DNMT3A: variants seen among roughly 807,000 people sequenced by gnomAD.
DNMT3A encodes DNA (cytosine-5)-methyltransferase 3A.
A neutral mutation model predicts 117.6 loss-of-function variants in DNMT3A; 267 were observed. That is an observed-to-expected ratio of 2.27 (90% CI 2.05 to 2.51). The LOEUF is 2.51. Ranked by LOEUF, DNMT3A falls within the 30% of genes most tolerant of loss-of-function variation. The pLI is 0.00. For synonymous variants in DNMT3A, 432 were observed against 474.8 expected, an observed-to-expected ratio of 0.91 and a Z score of 1.17; for missense variants, 1,029 against 1,260.2, an observed-to-expected ratio of 0.82 and a Z score of 2.78.
chr2:25,341,105 G>A (rs1214923034), intron 1 of DNMT3A, among the ~76,000 whole-genome samples: 1 of 144,184 alleles, frequency 6.9e-6, no homozygotes. Context: ...GTGGCCGGAG[G>A]AGGATCGCGG....
chr2:25,248,406 GAA>G (rs1675120922), intron 6 of DNMT3A, among the ~76,000 whole-genome samples, 154 bp from the exon 7 acceptor site: 1 of 152,206 alleles, frequency 6.6e-6, no homozygotes, highest in East Asian at 1.9e-4. Context: ...GTGAAAAATG[GAA>G]AGACTTGAAG....
Position 25,282,744 on chromosome 2 carries a change from G to T in DNMT3A, c.178-33C>A. On this transcript the variant is annotated intron_variant, in intron 3 of 22. Transcript: ENST00000321117. This position sits in a 1 kb window ranked among gnomAD's most constrained non-coding sequence, Gnocchi z 5.2. The stretch of plus-strand genomic sequence containing the variant: ...TGTAAGAAAGATACACAAGAGGAGG[G>T]TTAGATCAGTGGGCTTAGCCTGTTT... 6.6e-7 allele frequency: 1 copy of T among 1,506,204 alleles called. No individual in the cohort carries two copies. The highest frequency in any genetic ancestry group is 8.9e-7 in the Non-Finnish European group (1 of 1,127,378). The allele number at this position is 1,506,204 out of a possible 1,614,324, so 93.3% of individuals were successfully genotyped here. A position where few individuals can be genotyped will look rare whatever the true frequency, so the allele number is the denominator to read the frequency against.
At position 25,240,632 on chromosome 2, in the gene DNMT3A, GTAC is replaced by G. The variant is rs1235763187; in HGVS notation, c.2173+5_2173+7del. On this transcript the variant is annotated splice_donor_5th_base_variant and intron_variant, in intron 18 of 22. Transcript: ENST00000321117. ...CTGAGAAGGTGGAGGGGACAGGATG[GTAC>G]CTACCGTAGAGGCCCTTGCGAGCAG... 1 of 1,614,050 alleles carries G rather than the reference GTAC, an allele frequency of 6.2e-7. No homozygotes were observed. Among genetic ancestry groups the G allele is most frequent in the African/African-American group, 1.3e-5 (1 of 74,926 alleles).
rs773548825 is a variant in DNMT3A at position 25,304,828 on chromosome 2, C to T, written c.73-4585G>A. Among the ~76,000 whole-genome samples the T allele has an allele frequency of 7.9e-5, 12 of 152,232 alleles. No individual in the cohort carries two copies. Among genetic ancestry groups the T allele is most frequent in the Non-Finnish European group, 1.8e-4 (12 of 68,044 alleles). On this transcript the variant is annotated intron_variant, in intron 2 of 22. Transcript: ENST00000321117. The surrounding 1 kb of genome is among the most constrained non-coding windows in gnomAD (Gnocchi z 4.3). ...GTTCTTCTGACCACACCACCTTCCC[C>T]TCAGGTTTATCAGCAAACTGTTACT...
rs1013398564 is a variant in DNMT3A at position 25,271,493 on chromosome 2, G to A, written c.639+3448C>T. On this transcript the variant is annotated intron_variant, in intron 6 of 22. Transcript: ENST00000321117. ...TAGCCCCTTCCTAACCCCAGGCATA[G>A]CCCAGGAGGAGACTGTGTGACAGTC... 2.0e-5 allele frequency among the ~76,000 whole-genome samples: 3 copies of A among 152,330 alleles called. No homozygotes were observed. The East Asian group carries it at 5.8e-4, about 29-fold the overall frequency.
intron 1 of DNMT3A, among the ~76,000 whole-genome samples, chr2:25,330,614 G>A (rs1279802623): frequency 6.6e-6 from 1 of 152,218 alleles, no homozygotes; most frequent in Non-Finnish European, 1.5e-5. Context: ...CCTAGCCCAT[G>A]TCCAGGCCAA....
At chr2:25,256,291 C>G (rs906225310) in intron 6 of DNMT3A, among the ~76,000 whole-genome samples, 12 of 152,150 alleles carry the variant, frequency 7.9e-5, no homozygotes, top group African/African-American at 2.9e-4. Flanking sequence ...AATCTGGAGG[C>G]CTCCGTGTGA....
At chr2:25,290,442 C>T (rs2149391822) in intron 3 of DNMT3A, among the ~76,000 whole-genome samples, 1 of 151,992 alleles carries the variant, frequency 6.6e-6, no homozygotes, top group South Asian at 2.1e-4. Context: ...TGCCTCAGTC[C>T]CAACCAGTAG....
chr2:25,244,772 A>T, intron 13 of DNMT3A, 120 bp from the exon 14 acceptor site: 1 of 802,034 alleles, frequency 1.2e-6, no homozygotes, highest in Non-Finnish European at 2.1e-6. Context: ...CCCCGCCACC[A>T]CCTTAGCCAG....
At chr2:25,342,025 C>G (rs1345253700), upstream of DNMT3A, 2 of 783,444 alleles carry the variant, frequency 2.6e-6, no homozygotes, top group African/African-American at 1.9e-5. The surrounding 1 kb of genome is among the most constrained non-coding windows in gnomAD (Gnocchi z 5.9). Context: ...GCCGGGTCCC[C>G]CCCTCCCACC....
chr2:25,300,715 A>T (rs1261231229), intron 2 of DNMT3A, among the ~76,000 whole-genome samples: 1 of 4,548 alleles, frequency 2.2e-4, no homozygotes, highest in South Asian at 5.3e-3. Context: ...ATAATATAAT[A>T]TATATATATA....
intron 1 of DNMT3A, among the ~76,000 whole-genome samples, chr2:25,341,548 A>C (rs1032248765): frequency 2.3e-5 from 3 of 128,104 alleles, no homozygotes; most frequent in South Asian, 2.7e-4. Context: ...GGGGGCGGGG[A>C]GGGGGGTCCG....
At chr2:25,244,682 ACCAGGACGGGTC>A in intron 13 of DNMT3A, 30 bp from the exon 14 acceptor site, 2 of 1,599,920 alleles carry the variant, frequency 1.3e-6, no homozygotes, top group Non-Finnish European at 8.6e-7. Context: ...GTCAGAAACC[ACCAGGACGGGTC>A]CCAGGACGGC....
At chr2:25,332,901 C>A (rs1288773161) in intron 1 of DNMT3A, among the ~76,000 whole-genome samples, 1 of 152,272 alleles carries the variant, frequency 6.6e-6, no homozygotes, top group Non-Finnish European at 1.5e-5. Context: ...TAGACCCTCC[C>A]CTGCCTCCAG....
rs772368909 is a variant in DNMT3A, at chr2:25,240,714, G to A, written c.2099C>T (p.Pro700Leu). The change falls in exon 18 of 23, where the codon CCA becomes CTA. Residue 700 changes from proline to leucine, a missense_variant. Coordinates refer to ENST00000321117, the MANE Select transcript of DNMT3A (RefSeq NM_022552.5). Reference protein sequence around the residue: ...VTQKHIQEWGPFDLVIGGSPC... With the variant: ...VTQKHIQEWGLFDLVIGGSPC... ...ACTGCCCCCAATCACCAGATCGAAT[G>A]GGCCCCACTCCTGGATCTGGGAGGA... 13 of 1,614,060 alleles carry A rather than the reference G, an allele frequency of 8.1e-6. No individual in the cohort carries two copies. Among genetic ancestry groups the A allele is most frequent in the Admixed American group, 1.7e-5 (1 of 60,004 alleles).
In DNMT3A at chr2:25,230,200, C is replaced by T. The variant is rs1197290331; in HGVS notation, c.*4079G>A. On this transcript the variant is annotated 3_prime_UTR_variant, in exon 23 of 23. Coordinates refer to ENST00000321117, the MANE Select transcript of DNMT3A (RefSeq NM_022552.5). ...CAAAAGGACAGCAACAGATTCATGT[C>T]ATCATCTATGGACTGCAGACCCCTG... 6.6e-6 allele frequency: 1 copy of T among 152,294 alleles called. No individual in the cohort carries two copies. 9.4% of individuals were successfully genotyped at this position (152,294 alleles called of 1,614,324 possible).
chr2:25,240,332 A>G lies in DNMT3A; in HGVS notation c.2292T>C (p.Ser764=). The change falls in exon 19 of 23, where the codon AGT becomes AGC. Residue 764 remains serine, a synonymous_variant. Transcript: ENST00000321117. ...LFENVVAMGV[S]DKRDISRFLE... ...GAAATCGCGAGATGTCCCTCTTGTC[A>G]CTAACGCCCATGGCCACCACATTCT... The G allele has an allele frequency of 6.2e-7, 1 of 1,614,212 alleles. No individual in the cohort carries two copies. The highest frequency in any genetic ancestry group is 8.5e-7 in the Non-Finnish European group (1 of 1,180,026).
chr2:25,330,683 C>T (rs2034984417), intron 1 of DNMT3A, among the ~76,000 whole-genome samples: 1 of 152,230 alleles, frequency 6.6e-6, no homozygotes, highest in Non-Finnish European at 1.5e-5. Flanking sequence ...TCCCCTGGCA[C>T]ACTGAGCCAG....
rs938732434 is a variant in DNMT3A at position 25,275,649 on chromosome 2, G to A, written c.449-106C>T. ...TGGGGTCCCTGCCACAGGGGATGGG[G>A]GTCCTCTGGCCGTTTAGCTGTTCAT... On this transcript the variant is annotated intron_variant, in intron 4 of 22. Coordinates refer to ENST00000321117, the MANE Select transcript of DNMT3A (RefSeq NM_022552.5). The A allele has an allele frequency of 3.2e-6, 4 of 1,265,966 alleles. No individual in the cohort carries two copies. The African/African-American group carries it at 6.3e-5, about 20-fold the overall frequency. The allele number at this position is 1,265,966 out of a possible 1,614,324, so 78.4% of individuals were successfully genotyped here.
Sources: gnomAD v4.1 joint callset for allele counts (sites outside exome capture counted in the v4.1 genomes callset) on GRCh38, gnomAD v4.1.1 for gene constraint, Gnocchi (gnomAD v3.1) non-coding constraint, MANE v1.5 for transcripts, NCBI Gene and HGNC (gene_info 2026-07-23, HGNC 2026-07-21) for gene names.